The following MYO7A variants were observed in gnomAD, a reference collection of about 807,000 sequenced individuals.
MYO7A encodes the protein myosin VIIA.
Under a neutral mutation model 263.8 loss-of-function variants are expected in MYO7A, and 210 were observed. That is an observed-to-expected ratio of 0.80 (90% CI 0.71 to 0.89). The LOEUF (loss-of-function observed/expected upper bound fraction) is 0.89, where lower values mean the gene tolerates loss of function less well. MYO7A is among the 40% of genes least tolerant of loss of function. The pLI, the probability that MYO7A is intolerant of heterozygous loss-of-function variation, is 0.00. For missense variants in MYO7A, 2,820 were observed against 2,968.3 expected (o/e 0.95, Z 1.16); for synonymous variants, 1,239 against 1,197.3 (o/e 1.03, Z -0.72).
chr11:77,157,021 G>C lies in MYO7A; in HGVS notation c.735+17G>C. The stretch of plus-strand genomic sequence containing the variant: ...TGTCGCCAGGTGGGCCTGAGCCCCA[G>C]GGATGCAGGAATAGACCCAGGCCCC... On this transcript the variant is annotated intron_variant, in intron 7 of 48. Transcript: ENST00000409709. 6.2e-7 allele frequency: 1 copy of C among 1,610,016 alleles called. No individual in the cohort carries two copies. The highest frequency in any genetic ancestry group is 2.2e-5 in the East Asian group (1 of 44,856).
In MYO7A at chr11:77,156,001, T is replaced by C. The variant is rs41298131; in HGVS notation, c.380T>C (p.Ile127Thr). 209 of 1,613,764 alleles carry C rather than the reference T, an allele frequency of 1.3e-4. No individual in the cohort carries two copies. Among genetic ancestry groups the C allele is most frequent in the Non-Finnish European group, 1.6e-4 (190 of 1,179,848 alleles). Residue 127 changes from isoleucine to threonine, a missense_variant, in exon 5 of 49, where the codon ATT becomes ACT. Transcript: ENST00000409709. Reference sequence around the variant, plus strand: ...ATCCGCCAGTATACCAACAAGAAGATTGGGGAGATGCCCCCCCACATCTTT... The same window carrying C: ...ATCCGCCAGTATACCAACAAGAAGACTGGGGAGATGCCCCCCCACATCTTT... The part of the protein sequence containing the change: ...EHIRQYTNKK[I>T]GEMPPHIFAI...
chr11:77,161,984 C>T lies in MYO7A; in HGVS notation c.1344-136C>T, dbSNP rs1018908093. On this transcript the variant is annotated intron_variant, in intron 12 of 48. Coordinates refer to ENST00000409709, the MANE Select transcript of MYO7A (RefSeq NM_000260.4). Reference sequence around the variant, plus strand: ...CTGGAGGGAGGTGGACTTGACAATTCCCCTCGCCTCTGAGTTTGGAGTCCA... The same window carrying T: ...CTGGAGGGAGGTGGACTTGACAATTTCCCTCGCCTCTGAGTTTGGAGTCCA... 8.6e-6 allele frequency: 7 copies of T among 813,694 alleles called. No homozygotes were observed. In the African/African-American group the frequency reaches 1.0e-4, roughly 12 times the overall value. 50.4% of individuals were successfully genotyped at this position (813,694 alleles called of 1,614,324 possible).
At chr11:77,171,656 T>C (rs550858493) in intron 15 of MYO7A, among the ~76,000 whole-genome samples, 1 of 152,280 alleles carries the variant, frequency 6.6e-6, no homozygotes, top group Non-Finnish European at 1.5e-5. Context: ...GGATATCAGA[T>C]GAAATGATGA....
chr11:77,204,254 G>A, intron 39 of MYO7A, 25 bp downstream of exon 39: 1 of 1,557,440 alleles, frequency 6.4e-7, no homozygotes, highest in Non-Finnish European at 8.7e-7. Flanking sequence ...GTGGGCGGAT[G>A]AGGGGCAGAC....
intron 6 of MYO7A, 34 bp downstream of exon 6, chr11:77,156,815 G>T (rs782158278): frequency 6.2e-6 from 10 of 1,613,984 alleles, no homozygotes; most frequent in Non-Finnish European, 6.8e-6. Flanking sequence ...GGACCAGGCA[G>T]TGGGGCGGGA....
At chr11:77,172,286 A>G (rs1480950188) in intron 15 of MYO7A, among the ~76,000 whole-genome samples, 1 of 152,258 alleles carries the variant, frequency 6.6e-6, no homozygotes, top group South Asian at 2.1e-4. Flanking sequence ...CCAAGGGCAC[A>G]CAGCTAGGAA....
intron 27 of MYO7A, among the ~76,000 whole-genome samples, chr11:77,185,766 G>C (rs1447976957): frequency 6.6e-6 from 1 of 152,136 alleles, no homozygotes; most frequent in Non-Finnish European, 1.5e-5. Context: ...ATTTTGCCCA[G>C]ATCCACCAGA....
At chr11:77,212,892 T>A (rs1002299835) in intron 46 of MYO7A, 60 bp from the exon 47 acceptor site, 1 of 1,308,854 alleles carries the variant, frequency 7.6e-7, no homozygotes, top group African/African-American at 1.5e-5. Context: ...TTCATTCCTG[T>A]CCCCAAATGC....
chr11:77,163,114 A>G (rs1165028513), intron 14 of MYO7A, 126 bp downstream of exon 14: 1 of 1,039,522 alleles, frequency 9.6e-7, no homozygotes, highest in South Asian at 1.8e-5. Flanking sequence ...ATATATATAT[A>G]TATATGAACT....
Position 77,202,328 on chromosome 11 carries a change from G to C in MYO7A, c.5072G>C (p.Arg1691Thr). 6.3e-7 allele frequency: 1 copy of C among 1,585,272 alleles called. No individual in the cohort carries two copies. Among genetic ancestry groups the C allele is most frequent in the Non-Finnish European group, 8.6e-7 (1 of 1,165,004 alleles). Residue 1691 changes from arginine to threonine, a missense_variant, in exon 37 of 49, where the codon AGG becomes ACG. By Grantham distance (71) the Arg-to-Thr change is moderately conservative. Coordinates refer to ENST00000409709, the MANE Select transcript of MYO7A (RefSeq NM_000260.4). ...CTGGTCACCATGACTCCCGATCAGA[G>C]GCAGGACGTTGTCCGGCTCTTGCAG... ...VALVTMTPDQ[R>T]QDVVRLLQLR... is the part of the protein sequence containing the mutation.
chr11:77,174,687 C>T, intron 16 of MYO7A, 69 bp from the exon 17 acceptor site: 1 of 1,497,428 alleles, frequency 6.7e-7, no homozygotes, highest in Non-Finnish European at 9.0e-7. Flanking sequence ...CTGGGTTGGT[C>T]AAGTGCACAG....
Position 77,184,715 on chromosome 11 carries a change from G to T in MYO7A, c.3503G>T (p.Arg1168Leu). ...AATGGCATCCTGCGGCCAGCACTCC[G>T]GTCAGTGCCGGGAGGCGGGGACACC... ...IGNGILRPAL[R>L]DEIYCQISKQ... The change falls in exon 27 of 49, where the codon CGG becomes CTG. Residue 1168 changes from arginine (R) to leucine (L), a missense_variant and splice_region_variant. Arg to Leu is a moderately radical substitution (Grantham distance 102, BLOSUM62 -2). Transcript: ENST00000409709. 2 of 1,556,748 alleles carry T rather than the reference G, an allele frequency of 1.3e-6. No homozygotes were observed. Among genetic ancestry groups the T allele is most frequent in the East Asian group, 2.3e-5 (1 of 43,620 alleles).
At chr11:77,200,392 GAAGA>G (rs994856464) in intron 35 of MYO7A, among the ~76,000 whole-genome samples, 2 of 152,206 alleles carry the variant, frequency 1.3e-5, no homozygotes, top group Non-Finnish European at 2.9e-5. Flanking sequence ...CAGAAGGAAG[GAAGA>G]GAGCAGGGGG....
At position 77,214,663 on chromosome 11, in the gene MYO7A, G is replaced by A. The variant is rs200359303; in HGVS notation, c.6615G>A (p.Met2205Ile). Residue 2205 changes from methionine to isoleucine, a missense_variant, in exon 49 of 49, where the codon ATG (methionine) becomes ATA (isoleucine). By Grantham distance (10) the Met-to-Ile change is conservative. Transcript: ENST00000409709. ...TSYISQMLTAMSKQRGSRSGK is the reference protein window; with the variant it reads ...TSYISQMLTAISKQRGSRSGK ...ACATTAGCCAGATGCTCACAGCCATGAGCAAACAGCGGGGCTCCAGGAGCG... is the reference window on the plus strand; with the variant it reads ...ACATTAGCCAGATGCTCACAGCCATAAGCAAACAGCGGGGCTCCAGGAGCG... 159 of 1,588,180 alleles carry A rather than the reference G, an allele frequency of 1.0e-4. 1 individual carries two copies. The African/African-American group carries it at 1.9e-3, about 19-fold the overall frequency.
At chr11:77,191,688 A>G (rs1208486022) in intron 30 of MYO7A, among the ~76,000 whole-genome samples, 1 of 152,192 alleles carries the variant, frequency 6.6e-6, no homozygotes, top group Non-Finnish European at 1.5e-5. Flanking sequence ...CGTCATGCTC[A>G]GCAGAGGGGC....
intron 14 of MYO7A, among the ~76,000 whole-genome samples, chr11:77,163,542 G>A (rs1321730950): frequency 7.2e-5 from 11 of 152,216 alleles, no homozygotes; most frequent in African/African-American, 2.2e-4. Flanking sequence ...ACTGTAGGCA[G>A]TTGTGACAGA....
Position 77,208,434 on chromosome 11 carries a change from T to G in MYO7A, c.5861T>G (p.Leu1954Arg), listed in dbSNP as rs1198415650. 6.2e-7 allele frequency: 1 copy of G among 1,612,070 alleles called. No homozygotes were observed. The highest frequency in any genetic ancestry group is 1.7e-5 in the Admixed American group (1 of 59,950). ...SLFVKIADKV[L>R]SVPENDFFFD... Reference sequence around the variant, plus strand: ...CTTCGATGGCCCTGACCCCAGGTCCTCAGCGTTCCTGAGAATGACTTCTTC... The same window carrying G: ...CTTCGATGGCCCTGACCCCAGGTCCGCAGCGTTCCTGAGAATGACTTCTTC... Residue 1954 changes from leucine (L) to arginine (R), a missense_variant, in exon 43 of 49, where the codon CTC becomes CGC. Leu to Arg is a moderately radical substitution (Grantham distance 102). Coordinates refer to ENST00000409709, the MANE Select transcript of MYO7A (RefSeq NM_000260.4).
chr11:77,153,120 T>A (rs912699642), intron 4 of MYO7A, among the ~76,000 whole-genome samples: 2 of 151,110 alleles, frequency 1.3e-5, no homozygotes, highest in Non-Finnish European at 2.9e-5. Flanking sequence ...TGGCTCCGAG[T>A]GGAGGATAGA....
intron 4 of MYO7A, 125 bp from the exon 5 acceptor site, chr11:77,155,782 C>G (rs1555061142): frequency 9.3e-7 from 1 of 1,076,728 alleles, no homozygotes; most frequent in African/African-American, 1.6e-5. Flanking sequence ...CCAGGTCCAC[C>G]CACATGACTC....
Sources: gnomAD v4.1 joint callset for allele counts (sites outside exome capture counted in the v4.1 genomes callset) on GRCh38, gnomAD v4.1.1 for gene constraint, MANE v1.5 for transcripts, NCBI Gene and HGNC (gene_info 2026-07-23, HGNC 2026-07-21) for gene names.